CSMD3: variants seen among roughly 807,000 people sequenced by gnomAD.
CSMD3 encodes the protein CUB and Sushi multiple domains 3, also known as CUB and sushi domain-containing protein 3.
In CSMD3, 177 loss-of-function variants were observed where a neutral mutation model predicts 435.2. The observed-to-expected ratio is 0.41, with a 90% confidence interval of 0.36 to 0.46. The LOEUF is 0.46. Ranked by LOEUF, CSMD3 falls within the 20% of genes least tolerant of loss-of-function variation. CSMD3 has a pLI of 0.34. For missense variants in CSMD3, 4,265 were observed against 4,504.6 expected (o/e 0.95, Z 1.52); for synonymous variants, 1,656 against 1,520.5 (o/e 1.09, Z -2.07).
At chr8:112,506,239 G>A (rs759490639) in intron 29 of CSMD3, among the ~76,000 whole-genome samples, 5 of 152,020 alleles carry the variant, frequency 3.3e-5, no homozygotes, top group Non-Finnish European at 7.4e-5. Flanking sequence ...GCCTCAGTAC[G>A]TTAGAAAATA....
intron 5 of CSMD3, among the ~76,000 whole-genome samples, chr8:113,083,045 C>G (rs189206580): frequency 6.6e-6 from 1 of 152,054 alleles, no homozygotes; most frequent in African/African-American, 2.4e-5. Context: ...TAGCTGAAAA[C>G]GTCCCATGTC....
intron 40 of CSMD3, among the ~76,000 whole-genome samples, chr8:112,349,215 G>T (rs1825928511): frequency 6.6e-6 from 1 of 151,922 alleles, no homozygotes; most frequent in African/African-American, 2.4e-5. Flanking sequence ...TAACGAAAAA[G>T]AAGTAATTGC....
At chr8:113,229,056 T>G (rs74988398) in intron 3 of CSMD3, among the ~76,000 whole-genome samples, 4,492 of 151,710 alleles carry the variant, frequency 0.03, 88 homozygotes, top group Admixed American at 0.04. Context: ...CTCCTTACTT[T>G]AGTCTTGCAT....
intron 1 of CSMD3, among the ~76,000 whole-genome samples, chr8:113,397,054 G>A (rs2094486876): frequency 6.6e-6 from 1 of 152,098 alleles, no homozygotes; most frequent in Admixed American, 6.6e-5. Context: ...TTGGAAAGAA[G>A]ATAATGCCTA....
At chr8:112,231,782 G>T in intron 68 of CSMD3, 150 bp from the exon 69 acceptor site, 1 of 635,378 alleles carries the variant, frequency 1.6e-6, no homozygotes, top group Non-Finnish European at 2.8e-6. Flanking sequence ...ATAGCACATT[G>T]TGAAAATTTT....
At chr8:112,258,506 G>A (rs1816026675) in intron 61 of CSMD3, among the ~76,000 whole-genome samples, 1 of 152,180 alleles carries the variant, frequency 6.6e-6, no homozygotes, top group African/African-American at 2.4e-5. Context: ...CATTTATGCA[G>A]CCAACAAACA....
chr8:112,317,172 T>C (rs1822553339), intron 47 of CSMD3, among the ~76,000 whole-genome samples: 1 of 151,988 alleles, frequency 6.6e-6, no homozygotes, highest in Non-Finnish European at 1.5e-5. Flanking sequence ...TTTCTATGTT[T>C]TCTGTATTCT....
At chr8:112,291,775 T>C in intron 55 of CSMD3, 80 bp from the exon 56 acceptor site, 2 of 895,872 alleles carry the variant, frequency 2.2e-6, no homozygotes, top group Non-Finnish European at 3.5e-6. Flanking sequence ...GAAATGTACA[T>C]ACTTAGTTTC....
intron 1 of CSMD3, among the ~76,000 whole-genome samples, chr8:113,412,367 G>C (rs1199717512): frequency 6.6e-6 from 1 of 151,974 alleles, no homozygotes; most frequent in African/African-American, 2.4e-5. Context: ...ACTTGAACTG[G>C]GTGGACTTGC....
intron 3 of CSMD3, among the ~76,000 whole-genome samples, chr8:113,260,462 G>A (rs2093417776): frequency 2.6e-5 from 4 of 152,056 alleles, no homozygotes; most frequent in Admixed American, 2.6e-4. Context: ...ATTGCTTTGT[G>A]GAAATTGAGG....
intron 32 of CSMD3, among the ~76,000 whole-genome samples, chr8:112,413,796 G>A (rs1009825135): frequency 2.0e-5 from 3 of 152,162 alleles, no homozygotes; most frequent in Non-Finnish European, 4.4e-5. Flanking sequence ...CTCGAACAAT[G>A]TTTAATCAGG....
At chr8:113,370,094 G>A (rs1407532679) in intron 1 of CSMD3, among the ~76,000 whole-genome samples, 2 of 151,530 alleles carry the variant, frequency 1.3e-5, no homozygotes, top group Non-Finnish European at 3.0e-5. Context: ...ATGAGGTAAT[G>A]TATATATTAA....
At chr8:112,927,226 C>T (rs10955639) in intron 9 of CSMD3, among the ~76,000 whole-genome samples, 6,095 of 151,814 alleles carry the variant, frequency 0.04, 415 homozygotes, top group African/African-American at 0.14. Context: ...TGTACAAGTA[C>T]GTATTGCAGA....
intron 35 of CSMD3, among the ~76,000 whole-genome samples, 200 bp downstream of exon 35, chr8:112,406,324 C>T (rs1242478556): frequency 2.0e-5 from 3 of 151,986 alleles, no homozygotes; most frequent in Non-Finnish European, 4.4e-5. Flanking sequence ...TAATTCAACA[C>T]AAATTTTTTT....
At chr8:112,832,092 T>C (rs566410890) in intron 11 of CSMD3, among the ~76,000 whole-genome samples, 1 of 152,218 alleles carries the variant, frequency 6.6e-6, no homozygotes, top group African/African-American at 2.4e-5. Context: ...GATAAACAAA[T>C]CCTACTCTGG....
At chr8:112,520,890 A>C (rs998504153) in intron 27 of CSMD3, among the ~76,000 whole-genome samples, 1 of 151,720 alleles carries the variant, frequency 6.6e-6, no homozygotes, top group African/African-American at 2.4e-5. Context: ...AGATAGAAGC[A>C]CTCTCTTCTT....
At chr8:113,194,302 A>T (rs1460440155) in intron 3 of CSMD3, among the ~76,000 whole-genome samples, 2 of 151,404 alleles carry the variant, frequency 1.3e-5, no homozygotes, top group East Asian at 1.9e-4. Flanking sequence ...AATACCATGT[A>T]TTTCTGAAAT....
intron 10 of CSMD3, among the ~76,000 whole-genome samples, chr8:112,885,850 C>T (rs1446085735): frequency 1.3e-5 from 2 of 151,794 alleles, no homozygotes; most frequent in East Asian, 3.9e-4. Flanking sequence ...AGTTCACTAT[C>T]TGTTCATCAT....
chr8:112,437,082 A>G (rs1040369541), intron 32 of CSMD3, among the ~76,000 whole-genome samples: 1 of 152,044 alleles, frequency 6.6e-6, no homozygotes, highest in African/African-American at 2.4e-5. Context: ...AATGAAATTC[A>G]CTGGATTTAT....
Sources: gnomAD v4.1 joint callset for allele counts (sites outside exome capture counted in the v4.1 genomes callset) on GRCh38, gnomAD v4.1.1 for gene constraint, MANE v1.5 for transcripts, NCBI Gene and HGNC (gene_info 2026-07-23, HGNC 2026-07-21) for gene names.